RTL4: variants seen among roughly 807,000 people sequenced by gnomAD.
The protein encoded by RTL4 is retrotransposon Gag like 4, also known as retrotransposon Gag-like protein 4.
RTL4 carries 4 observed loss-of-function variants against 5.3 expected under a neutral mutation model. The ratio of observed to expected loss-of-function variants is 0.75; its 90% CI spans 0.37 to 1.72. RTL4 has a LOEUF of 1.72. RTL4 is among the 40% of genes most tolerant of loss of function. RTL4 has a pLI of 0.04. For synonymous variants in RTL4, 98 were observed against 87.3 expected, an observed-to-expected ratio of 1.12 and a Z score of -0.68; for missense variants, 260 against 227.1, an observed-to-expected ratio of 1.14 and a Z score of -0.93.
At chrX:112,329,178 T>C in the RTL4 span, among the ~76,000 whole-genome samples, 27 of 110,257 alleles carry the variant, frequency 2.4e-4, no homozygotes, top group Non-Finnish European at 3.0e-4. Context: ...CTGAAGGAGA[T>C]AGAGACACAA....
chrX:112,376,751 T>C, the RTL4 span, among the ~76,000 whole-genome samples: 2 of 112,107 alleles, frequency 1.8e-5, no homozygotes, highest in African/African-American at 6.5e-5. Context: ...ACTCGGTATA[T>C]GGCCACTGAA....
At chrX:112,391,188 G>A in the RTL4 span, among the ~76,000 whole-genome samples, 2 of 111,543 alleles carry the variant, frequency 1.8e-5, no homozygotes, top group Non-Finnish European at 3.8e-5. Context: ...TTTTTACATT[G>A]GCTGTTTTGT....
chrX:112,326,372 T>G, the RTL4 span, among the ~76,000 whole-genome samples: 2 of 111,390 alleles, frequency 1.8e-5, no homozygotes, highest in Non-Finnish European at 3.8e-5. Flanking sequence ...TTCCCTTTGC[T>G]AGTCAAAGAA....
chrX:112,413,837 A>G, the RTL4 span, among the ~76,000 whole-genome samples: 1 of 110,733 alleles, frequency 9.0e-6, no homozygotes, highest in African/African-American at 3.3e-5. Flanking sequence ...TAAATAACTA[A>G]AAGAGTAGAA....
the RTL4 span, among the ~76,000 whole-genome samples, chrX:112,413,110 A>G: frequency 8.9e-6 from 1 of 112,300 alleles, no homozygotes; most frequent in Non-Finnish European, 1.9e-5. Context: ...AAAGATGCTC[A>G]GCATCACTGA....
At chrX:112,243,422 T>C in the RTL4 span, among the ~76,000 whole-genome samples, 1 of 111,570 alleles carries the variant, frequency 9.0e-6, no homozygotes, top group Admixed American at 9.6e-5. Context: ...GGTTTAGCCT[T>C]GGGAGGGTAC....
the RTL4 span, among the ~76,000 whole-genome samples, chrX:112,201,500 C>T: frequency 9.0e-6 from 1 of 110,875 alleles, no homozygotes; most frequent in Admixed American, 9.6e-5. Context: ...AGAGTAAGTG[C>T]CTTCATTCAT....
chrX:112,390,284 C>T, the RTL4 span, among the ~76,000 whole-genome samples: 7 of 97,658 alleles, frequency 7.2e-5, no homozygotes, highest in Non-Finnish European at 4.1e-5. Context: ...GAAAACCCAT[C>T]TGTACTAAAA....
the RTL4 span, among the ~76,000 whole-genome samples, chrX:112,323,616 C>T: frequency 9.0e-6 from 1 of 110,499 alleles, no homozygotes; most frequent in African/African-American, 3.3e-5. Flanking sequence ...CTCTCAGCCT[C>T]CAGAGTAGCT....
chrX:112,083,586 C>G, the RTL4 span, among the ~76,000 whole-genome samples: 1 of 111,500 alleles, frequency 9.0e-6, no homozygotes. Flanking sequence ...CTCCCAAGAT[C>G]CAGCCTAGAT....
At chrX:112,261,814 A>G in the RTL4 span, among the ~76,000 whole-genome samples, 1 of 112,159 alleles carries the variant, frequency 8.9e-6, no homozygotes, top group African/African-American at 3.2e-5. Flanking sequence ...TGCAGTAACC[A>G]AAACAACATG....
the RTL4 span, among the ~76,000 whole-genome samples, chrX:112,239,497 C>G: frequency 9.0e-6 from 1 of 111,361 alleles, no homozygotes; most frequent in Non-Finnish European, 1.9e-5. Context: ...CTGGTGTCAG[C>G]TTGGTCCACA....
chrX:112,224,304 A>ACATT, the RTL4 span, among the ~76,000 whole-genome samples: 3 of 94,867 alleles, frequency 3.2e-5, no homozygotes, highest in Admixed American at 1.3e-4. Context: ...CCTTCCAGAT[A>ACATT]CATTTATTTA....
At chrX:112,253,712 A>G in the RTL4 span, among the ~76,000 whole-genome samples, 22 of 112,497 alleles carry the variant, frequency 2.0e-4, no homozygotes, top group African/African-American at 6.8e-4. Flanking sequence ...GCCAAACTTT[A>G]GTTAGCCTCC....
At chrX:112,359,437 A>G in the RTL4 span, among the ~76,000 whole-genome samples, 4 of 111,659 alleles carry the variant, frequency 3.6e-5, no homozygotes, top group Non-Finnish European at 7.6e-5. Flanking sequence ...TCTGATAACT[A>G]TCATTCAGAA....
chrX:112,356,975 G>C, the RTL4 span, among the ~76,000 whole-genome samples: 2 of 111,411 alleles, frequency 1.8e-5, no homozygotes, highest in Non-Finnish European at 3.8e-5. Context: ...CTGTGAATGT[G>C]AGAGAAATAA....
At chrX:112,110,091 C>A in the RTL4 span, among the ~76,000 whole-genome samples, 2 of 112,133 alleles carry the variant, frequency 1.8e-5, no homozygotes, top group African/African-American at 6.5e-5. Context: ...AGCCATGTCA[C>A]CCAACTCCAG....
chrX:112,398,543 G>A, the RTL4 span, among the ~76,000 whole-genome samples: 1 of 108,221 alleles, frequency 9.2e-6, no homozygotes, highest in Non-Finnish European at 1.9e-5. Context: ...GGGACCACAG[G>A]CGCCTGCCAC....
At chrX:112,127,514 A>G in the RTL4 span, among the ~76,000 whole-genome samples, 1 of 112,078 alleles carries the variant, frequency 8.9e-6, no homozygotes, top group Non-Finnish European at 1.9e-5. Context: ...TCCTATGATC[A>G]GTAACGGGGG....
Sources: gnomAD v4.1 joint callset for allele counts (sites outside exome capture counted in the v4.1 genomes callset) on GRCh38, gnomAD v4.1.1 for gene constraint, MANE v1.5 for transcripts, NCBI Gene and HGNC (gene_info 2026-07-23, HGNC 2026-07-21) for gene names.